The following NCEH1 variants were observed in gnomAD, a reference collection of about 807,000 sequenced individuals.
NCEH1 encodes neutral cholesterol ester hydrolase 1.
Under a neutral mutation model 25.4 loss-of-function variants are expected in NCEH1, and 9 were observed. The ratio of observed to expected loss-of-function variants is 0.35; its 90% CI spans 0.21 to 0.62. The LOEUF (loss-of-function observed/expected upper bound fraction) is 0.62, where lower values mean the gene tolerates loss of function less well. NCEH1 is among the 20% of genes least tolerant of loss of function. The pLI, the probability that NCEH1 is intolerant of heterozygous loss-of-function variation, is 0.72. For missense variants in NCEH1, 412 were observed against 501.1 expected (o/e 0.82, Z 1.70); for synonymous variants, 200 against 199.8 (o/e 1.00, Z -0.01).
At chr3:172,701,635 T>A (rs1713698513) in intron 1 of NCEH1, among the ~76,000 whole-genome samples, 1 of 132,928 alleles carries the variant, frequency 7.5e-6, no homozygotes, top group African/African-American at 2.8e-5. Context: ...TTTTTTTTTT[T>A]TTGTATTTTT....
chr3:172,709,056 G>T (rs1234153780), intron 1 of NCEH1, among the ~76,000 whole-genome samples: 1 of 152,112 alleles, frequency 6.6e-6, no homozygotes, highest in Non-Finnish European at 1.5e-5. Context: ...GAGAACACTG[G>T]TTACCTCATC....
intron 3 of NCEH1, among the ~76,000 whole-genome samples, chr3:172,644,421 G>A (rs1193595179): frequency 6.6e-6 from 1 of 152,190 alleles, no homozygotes; most frequent in Non-Finnish European, 1.5e-5. Context: ...GCAGAGGGAA[G>A]AAGAGAACTG....
At chr3:172,646,227 C>T (rs574750866) in intron 2 of NCEH1, among the ~76,000 whole-genome samples, 4 of 152,056 alleles carry the variant, frequency 2.6e-5, no homozygotes, top group East Asian at 1.9e-4. Flanking sequence ...TAGTGGTGCA[C>T]GCCTGCAGTC....
intron 1 of NCEH1, among the ~76,000 whole-genome samples, chr3:172,650,883 A>G (rs1717371935): frequency 6.6e-6 from 1 of 151,138 alleles, no homozygotes; most frequent in African/African-American, 2.4e-5. Flanking sequence ...ATGAAAGGGT[A>G]GGTAGATGAG....
At chr3:172,641,343 T>C (rs999147502) in intron 3 of NCEH1, among the ~76,000 whole-genome samples, 7 of 152,196 alleles carry the variant, frequency 4.6e-5, no homozygotes, top group Admixed American at 3.9e-4. Flanking sequence ...ACGTAGGTTT[T>C]GTACTCAAGG....
chr3:172,663,618 G>A (rs2108507609), intron 1 of NCEH1, among the ~76,000 whole-genome samples: 1 of 152,276 alleles, frequency 6.6e-6, no homozygotes, highest in East Asian at 1.9e-4. Flanking sequence ...AGGTCTCTAA[G>A]GACTTGCTTT....
At chr3:172,707,615 T>C (rs1270962574) in intron 1 of NCEH1, among the ~76,000 whole-genome samples, 1 of 152,178 alleles carries the variant, frequency 6.6e-6, no homozygotes, top group Non-Finnish European at 1.5e-5. Flanking sequence ...AGACGGAGTC[T>C]CACACTGTTG....
chr3:172,654,623 G>A (rs575155584), intron 1 of NCEH1, among the ~76,000 whole-genome samples: 2 of 152,322 alleles, frequency 1.3e-5, no homozygotes, highest in South Asian at 4.1e-4. Flanking sequence ...TGAAGGGGAA[G>A]GAGGCAGCTG....
At chr3:172,696,946 CAG>C (rs527760514) in intron 1 of NCEH1, among the ~76,000 whole-genome samples, 372 of 152,096 alleles carry the variant, frequency 2.4e-3, no homozygotes, top group Non-Finnish European at 4.5e-3. Flanking sequence ...CTTTTTTTGA[CAG>C]AGAGTCTCAC....
chr3:172,642,316 G>A (rs556581377), intron 3 of NCEH1, among the ~76,000 whole-genome samples: 39 of 151,972 alleles, frequency 2.6e-4, no homozygotes, highest in Non-Finnish European at 5.3e-4. Flanking sequence ...TGGAACTACA[G>A]GCATGCACCA....
chr3:172,710,697 A>G, intron 1 of NCEH1, 150 bp downstream of exon 1: 2 of 807,328 alleles, frequency 2.5e-6, no homozygotes, highest in Non-Finnish European at 3.9e-6. Context: ...GATACCCTGA[A>G]AATTCCCGAC....
chr3:172,681,797 C>G (rs1351287859), intron 1 of NCEH1, among the ~76,000 whole-genome samples: 1 of 150,620 alleles, frequency 6.6e-6, no homozygotes, highest in East Asian at 1.9e-4. Context: ...ATCCCAGCTA[C>G]TCAGGATGCT....
At chr3:172,693,537 G>C (rs893337524) in intron 1 of NCEH1, among the ~76,000 whole-genome samples, 12 of 151,872 alleles carry the variant, frequency 7.9e-5, no homozygotes, top group African/African-American at 1.9e-4. Context: ...ATACCCAAAT[G>C]AAAGTCCAAC....
Position 172,636,072 on chromosome 3 carries a change from T to A in NCEH1, c.453A>T (p.Pro151=), listed in dbSNP as rs377255946. ...VIVSIEYRLV[P]KVYFPEQIHD... ...GAATTTGCTCAGGAAAATAAACCTT[T>A]GGAACTAGCCTGTATCTGTAAAAAC... The change falls in exon 4 of 5, where the codon CCA becomes CCT. Residue 151 remains proline, a synonymous_variant. Coordinates refer to ENST00000475381, the MANE Select transcript of NCEH1 (RefSeq NM_020792.6). The A allele has an allele frequency of 6.2e-7, 1 of 1,613,916 alleles. No individual in the cohort carries two copies. The highest frequency in any genetic ancestry group is 1.7e-5 in the Admixed American group (1 of 60,008).
chr3:172,642,368 G>GTTTTGCCA (rs1390875364), intron 3 of NCEH1, among the ~76,000 whole-genome samples: 2 of 151,630 alleles, frequency 1.3e-5, no homozygotes, highest in African/African-American at 4.8e-5. Context: ...GTAAGACAGG[G>GTTTTGCCA]TTTTGCCATA....
At chr3:172,690,973 A>G (rs904282442) in intron 1 of NCEH1, among the ~76,000 whole-genome samples, 1 of 148,132 alleles carries the variant, frequency 6.8e-6, no homozygotes. Flanking sequence ...TTTTTAAAGC[A>G]GCTATGACAT....
chr3:172,669,550 GTTAT>G (rs372732698), intron 1 of NCEH1, among the ~76,000 whole-genome samples: 31 of 152,212 alleles, frequency 2.0e-4, no homozygotes, highest in African/African-American at 7.0e-4. Flanking sequence ...CATTTTAGTG[GTTAT>G]TTATTTTTTT....
chr3:172,661,464 T>C (rs1046347158), intron 1 of NCEH1, among the ~76,000 whole-genome samples: 2 of 152,244 alleles, frequency 1.3e-5, no homozygotes, highest in Non-Finnish European at 2.9e-5. Flanking sequence ...CAGGCTCTTT[T>C]TTGGCTCCAT....
At chr3:172,706,527 G>T in intron 1 of NCEH1, among the ~76,000 whole-genome samples, 1 of 135,018 alleles carries the variant, frequency 7.4e-6, no homozygotes. Context: ...TTGAGACGAA[G>T]TCTCACTGTA....
Sources: gnomAD v4.1 joint callset for allele counts (sites outside exome capture counted in the v4.1 genomes callset) on GRCh38, gnomAD v4.1.1 for gene constraint, MANE v1.5 for transcripts, NCBI Gene and HGNC (gene_info 2026-07-23, HGNC 2026-07-21) for gene names.